CACNA2D3: variants seen among roughly 807,000 people sequenced by gnomAD.
CACNA2D3 encodes the protein calcium voltage-gated channel auxiliary subunit alpha2delta 3.
CACNA2D3 carries 60 observed loss-of-function variants against 160.6 expected under a neutral mutation model. The ratio of observed to expected loss-of-function variants is 0.37; its 90% CI spans 0.30 to 0.46. The LOEUF is 0.46. Ranked by LOEUF, CACNA2D3 falls within the 20% of genes least tolerant of loss-of-function variation. CACNA2D3 has a pLI of 1.00. For synonymous variants in CACNA2D3, 558 were observed against 492.9 expected, an observed-to-expected ratio of 1.13 and a Z score of -1.75; for missense variants, 1,205 against 1,365.0, an observed-to-expected ratio of 0.88 and a Z score of 1.85.
chr3:54,468,589 C>T (rs184066823), intron 4 of CACNA2D3, among the ~76,000 whole-genome samples: 1 of 152,288 alleles, frequency 6.6e-6, no homozygotes, highest in Admixed American at 6.5e-5. Flanking sequence ...CCGTTTCCCC[C>T]CTCTGGAAAG....
At chr3:54,650,049 CACCTGGTTG>C (rs1699730049) in intron 11 of CACNA2D3, among the ~76,000 whole-genome samples, 1 of 152,166 alleles carries the variant, frequency 6.6e-6, no homozygotes, top group Admixed American at 6.5e-5. Flanking sequence ...AACTGACCCT[CACCTGGTTG>C]TGTTTTGAGC....
At chr3:54,345,817 A>G (rs1698447194) in intron 3 of CACNA2D3, among the ~76,000 whole-genome samples, 1 of 149,640 alleles carries the variant, frequency 6.7e-6, no homozygotes, top group South Asian at 2.2e-4. Flanking sequence ...ATTAGTTCCA[A>G]GTCTCTCTTG....
intron 10 of CACNA2D3, chr3:54,633,532 G>C (rs529863062): frequency 6.6e-6 from 1 of 152,294 alleles, no homozygotes; most frequent in Non-Finnish European, 1.5e-5. Flanking sequence ...ACAGGTACTA[G>C]TCCTGCTAGT....
intron 2 of CACNA2D3, among the ~76,000 whole-genome samples, chr3:54,302,790 A>G (rs1703508174): frequency 6.6e-6 from 1 of 150,958 alleles, no homozygotes; most frequent in Non-Finnish European, 1.5e-5. Context: ...TTCCTCCTCC[A>G]TCCGGTTGTA....
At chr3:54,574,393 T>G (rs939288741) in intron 8 of CACNA2D3, among the ~76,000 whole-genome samples, 1 of 152,180 alleles carries the variant, frequency 6.6e-6, no homozygotes, top group Non-Finnish European at 1.5e-5. Context: ...CATTGTGAAC[T>G]GCATGTTTAA....
chr3:54,766,600 C>A (rs889749059), intron 13 of CACNA2D3, among the ~76,000 whole-genome samples: 2 of 152,078 alleles, frequency 1.3e-5, no homozygotes, highest in African/African-American at 4.8e-5. Flanking sequence ...AGAATTCAAC[C>A]CTGAAGATGG....
chr3:54,450,408 T>G (rs1700286400), intron 4 of CACNA2D3, among the ~76,000 whole-genome samples: 1 of 152,116 alleles, frequency 6.6e-6, no homozygotes, highest in Non-Finnish European at 1.5e-5. Context: ...GACTCTTAAG[T>G]CCAAAATCTC....
At chr3:54,213,864 T>C (rs1701419203) in intron 2 of CACNA2D3, among the ~76,000 whole-genome samples, 1 of 152,232 alleles carries the variant, frequency 6.6e-6, no homozygotes, top group Non-Finnish European at 1.5e-5. Context: ...CATTGATACC[T>C]CTGGCCTGGA....
intron 9 of CACNA2D3, among the ~76,000 whole-genome samples, chr3:54,598,302 T>C (rs780807046): frequency 1.0e-3 from 32 of 30,688 alleles, no homozygotes; most frequent in Non-Finnish European, 1.6e-3. Context: ...CGAGACTCCG[T>C]CTCACAAAAA....
intron 24 of CACNA2D3, among the ~76,000 whole-genome samples, chr3:54,890,163 G>T (rs1229568254): frequency 6.6e-6 from 1 of 152,180 alleles, no homozygotes; most frequent in Non-Finnish European, 1.5e-5. Context: ...ACAAGCTCAA[G>T]AATTGGTGTT....
intron 2 of CACNA2D3, among the ~76,000 whole-genome samples, chr3:54,241,699 C>T (rs1179831574): frequency 1.3e-5 from 2 of 152,160 alleles, no homozygotes; most frequent in African/African-American, 4.8e-5. Flanking sequence ...AGGGAAGCTC[C>T]TGTGGCATAG....
At chr3:54,984,990 G>T (rs986450872) in intron 30 of CACNA2D3, among the ~76,000 whole-genome samples, 2 of 152,164 alleles carry the variant, frequency 1.3e-5, no homozygotes, top group African/African-American at 4.8e-5. Flanking sequence ...TTTGCCTCGA[G>T]GGTGGGGTGC....
intron 2 of CACNA2D3, among the ~76,000 whole-genome samples, chr3:54,178,513 A>G (rs983833736): frequency 6.6e-6 from 1 of 152,218 alleles, no homozygotes; most frequent in Non-Finnish European, 1.5e-5. Context: ...TGCTTTAGTA[A>G]GCAGACACAC....
chr3:54,518,884 A>T, intron 5 of CACNA2D3, among the ~76,000 whole-genome samples: 1 of 152,216 alleles, frequency 6.6e-6, no homozygotes, highest in Non-Finnish European at 1.5e-5. Context: ...TTCTGTATAG[A>T]ATATTTGAAA....
chr3:54,344,092 T>G (rs1269017577), intron 3 of CACNA2D3, among the ~76,000 whole-genome samples: 1 of 152,194 alleles, frequency 6.6e-6, no homozygotes, highest in Non-Finnish European at 1.5e-5. Context: ...ATGTCACAGA[T>G]AATTGGAGGA....
At chr3:54,506,493 G>C (rs879577010) in intron 5 of CACNA2D3, among the ~76,000 whole-genome samples, 2 of 152,178 alleles carry the variant, frequency 1.3e-5, no homozygotes, top group Non-Finnish European at 2.9e-5. Flanking sequence ...TCTACAATCT[G>C]CTTTCTGCCT....
At chr3:54,907,414 G>T (rs9808962) in intron 27 of CACNA2D3, among the ~76,000 whole-genome samples, 118,430 of 152,116 alleles carry the variant, frequency 0.78, 46,939 homozygotes, top group African/African-American at 0.92. Context: ...ATATGTCTTA[G>T]ACCCAGATTC....
chr3:54,639,170 G>A (rs1699448999), intron 10 of CACNA2D3: 1 of 151,890 alleles, frequency 6.6e-6, no homozygotes, highest in South Asian at 2.1e-4. Context: ...TTGCCCCCTA[G>A]GAAAGCGGGA....
At chr3:54,458,984 C>G (rs1700449618) in intron 4 of CACNA2D3, among the ~76,000 whole-genome samples, 1 of 152,042 alleles carries the variant, frequency 6.6e-6, no homozygotes, top group East Asian at 1.9e-4. Flanking sequence ...CATATGTTCT[C>G]ATTGTTCAAT....
Sources: gnomAD v4.1 joint callset for allele counts (sites outside exome capture counted in the v4.1 genomes callset) on GRCh38, gnomAD v4.1.1 for gene constraint, MANE v1.5 for transcripts, NCBI Gene and HGNC (gene_info 2026-07-23, HGNC 2026-07-21) for gene names.